The following KDM4B variants were observed in gnomAD, a reference collection of about 807,000 sequenced individuals.
KDM4B encodes lysine demethylase 4B.
In KDM4B, 32 loss-of-function variants were observed where a neutral mutation model predicts 125.2. The ratio of observed to expected loss-of-function variants is 0.26; its 90% CI spans 0.19 to 0.34. The LOEUF (loss-of-function observed/expected upper bound fraction) is 0.34. Among genes scored for constraint, KDM4B ranks in the 10% least tolerant of loss-of-function variants. The pLI is 1.00. For missense variants in KDM4B, 1,190 were observed against 1,577.7 expected (o/e 0.75, Z 4.16); for synonymous variants, 721 against 677.9 (o/e 1.06, Z -0.99).
intron 9 of KDM4B, among the ~76,000 whole-genome samples, chr19:5,109,340 C>A (rs933838593): frequency 1.3e-5 from 2 of 152,234 alleles, no homozygotes; most frequent in Non-Finnish European, 2.9e-5. Context: ...TTCATGCCCT[C>A]TGGGGCCTGG....
Position 5,035,264 on chromosome 19 carries a change from C to T in KDM4B, c.141+2233C>T, listed in dbSNP as rs952379441. Among the ~76,000 whole-genome samples the T allele has an allele frequency of 6.6e-5, 10 of 152,172 alleles. No homozygotes were observed. The highest frequency in any genetic ancestry group is 2.4e-4 in the African/African-American group (10 of 41,418). ...ATCCTGGCACCGCATCTGCCTCTGT[C>T]TCCTGCCCTTGACCTACTTCCACAT... is the stretch of plus-strand genomic sequence containing the variant. On this transcript the variant is annotated intron_variant, in intron 3 of 22. Coordinates refer to ENST00000159111, the MANE Select transcript of KDM4B (RefSeq NM_015015.3). The surrounding 1 kb of genome is among the most constrained non-coding windows in gnomAD (Gnocchi z 5.3).
intron 9 of KDM4B, among the ~76,000 whole-genome samples, chr19:5,102,254 C>T (rs781473078): frequency 2.6e-5 from 4 of 152,250 alleles, no homozygotes; most frequent in African/African-American, 7.2e-5. Context: ...CCTAAAGGCA[C>T]TTTCTCGTGG....
At chr19:5,026,456 C>A (rs1041968348) in intron 2 of KDM4B, among the ~76,000 whole-genome samples, 1 of 152,170 alleles carries the variant, frequency 6.6e-6, no homozygotes, top group African/African-American at 2.4e-5. Flanking sequence ...GCACTGGGAC[C>A]ACAGGTGTGT....
At chr19:5,045,186 G>T (rs904076367) in intron 5 of KDM4B, among the ~76,000 whole-genome samples, 1 of 152,140 alleles carries the variant, frequency 6.6e-6, no homozygotes, top group Non-Finnish European at 1.5e-5. Context: ...ACGTTCCCAG[G>T]GCCCCGCTTC....
intron 21 of KDM4B, among the ~76,000 whole-genome samples, chr19:5,148,965 C>T (rs949486418): frequency 1.4e-4 from 22 of 152,252 alleles, no homozygotes; most frequent in African/African-American, 4.8e-4. Context: ...TCCCAGGACA[C>T]GGCCCAGAGG....
intron 3 of KDM4B, among the ~76,000 whole-genome samples, chr19:5,037,767 C>G (rs940689209): frequency 1.1e-4 from 17 of 152,198 alleles, no homozygotes; most frequent in African/African-American, 4.1e-4. Context: ...TCGTGAAAGC[C>G]ACAGACATCC....
intron 1 of KDM4B, among the ~76,000 whole-genome samples, chr19:5,003,960 C>A (rs1467251054): frequency 1.3e-5 from 2 of 152,150 alleles, no homozygotes; most frequent in Non-Finnish European, 1.5e-5. Context: ...GATGCTCAGC[C>A]GCTTGAGAAT....
chr19:5,118,481 G>A (rs2039298708), intron 10 of KDM4B, among the ~76,000 whole-genome samples: 1 of 152,012 alleles, frequency 6.6e-6, no homozygotes, highest in South Asian at 2.1e-4. Flanking sequence ...AGCTGCAGGG[G>A]GTGGGCCTGG....
chr19:5,008,427 A>G (rs1043662973), intron 1 of KDM4B, among the ~76,000 whole-genome samples: 1 of 152,110 alleles, frequency 6.6e-6, no homozygotes, highest in Non-Finnish European at 1.5e-5. Flanking sequence ...CATAACCGTG[A>G]ATTATTTTTT....
chr19:5,120,233 G>A (rs2039335237), intron 11 of KDM4B, among the ~76,000 whole-genome samples: 1 of 152,226 alleles, frequency 6.6e-6, no homozygotes, highest in Non-Finnish European at 1.5e-5. Context: ...AGCTACTTGG[G>A]AAGCTGAGGT....
chr19:5,133,930 T>C lies in KDM4B; in HGVS notation c.1954T>C (p.Leu652=), dbSNP rs769317924. 3.1e-6 allele frequency: 5 copies of C among 1,613,012 alleles called. No homozygotes were observed. Among genetic ancestry groups the C allele is most frequent in the Non-Finnish European group, 4.2e-6 (5 of 1,179,948 alleles). Residue 652 remains leucine, a synonymous_variant, in exon 14 of 23, where the codon TTG becomes CTG. Transcript: ENST00000159111. ...GEEDVSDPDA[L]RPLLSLQWKN... ...GGAAGATGTGAGTGACCCGGACGCC[T>C]TGAGGCCGCTGCTGTCTCTGCAGTG...
At chr19:4,977,326 C>G (rs1050311004) in intron 1 of KDM4B, among the ~76,000 whole-genome samples, 2 of 152,210 alleles carry the variant, frequency 1.3e-5, no homozygotes, top group African/African-American at 4.8e-5. Flanking sequence ...ACCTCAAGAC[C>G]CCGAGGGCTC....
intron 11 of KDM4B, among the ~76,000 whole-genome samples, chr19:5,120,499 CAG>C (rs1221553273): frequency 1.2e-3 from 121 of 102,902 alleles, no homozygotes; most frequent in Middle Eastern, 5.7e-3. Context: ...GCTGGCAAGA[CAG>C]GGGGCAGCCG....
At position 5,044,416 on chromosome 19, in the gene KDM4B, A is replaced by G. The variant is rs111967644; in HGVS notation, c.433-3060A>G. Among the ~76,000 whole-genome samples the G allele has an allele frequency of 3.5e-4, 41 of 117,790 alleles. 1 individual carries two copies. In the South Asian group the frequency reaches 4.4e-3, roughly 13 times the overall value. 77.3% of individuals were successfully genotyped at this position (117,790 alleles called of 152,430 possible). A position where few individuals can be genotyped will look rare whatever the true frequency, so the allele number is the denominator to read the frequency against. ...CGGAGTGGGGTGTCCACCTTATCCC[A>G]CGCGGTGTTTATCGGAGTGGGGGTG... On this transcript the variant is annotated intron_variant, in intron 5 of 22. Coordinates refer to ENST00000159111, the MANE Select transcript of KDM4B (RefSeq NM_015015.3).
chr19:5,006,279 C>G lies in KDM4B; in HGVS notation c.-108-9978C>G, dbSNP rs117067663. Among the ~76,000 whole-genome samples the G allele has an allele frequency of 9.6e-4, 146 of 152,206 alleles. 2 individuals are homozygous for G. In the East Asian group the frequency reaches 0.022, roughly 23 times the overall value. The stretch of plus-strand genomic sequence containing the variant: ...GCACCCCATCCTCAGAGCGGAACCC[C>G]CATCCCCTGGGCTTGTGGGGGCTTC... On this transcript the variant is annotated intron_variant, in intron 1 of 22. Coordinates refer to ENST00000159111, the MANE Select transcript of KDM4B (RefSeq NM_015015.3).
intron 1 of KDM4B, among the ~76,000 whole-genome samples, chr19:4,981,624 G>A (rs571997852): frequency 6.6e-6 from 1 of 152,268 alleles, no homozygotes; most frequent in Non-Finnish European, 1.5e-5. Context: ...ACCACGCCGG[G>A]CCCCTTGGGA....
At chr19:4,995,427 C>T (rs891220243) in intron 1 of KDM4B, among the ~76,000 whole-genome samples, 1 of 151,800 alleles carries the variant, frequency 6.6e-6, no homozygotes, top group African/African-American at 2.4e-5. Context: ...TACAGGCACC[C>T]GCCACCACAT....
intron 3 of KDM4B, among the ~76,000 whole-genome samples, chr19:5,034,016 C>G (rs1313025538): frequency 6.6e-6 from 1 of 152,190 alleles, no homozygotes; most frequent in Admixed American, 6.5e-5. Flanking sequence ...TGTCTGTGGT[C>G]CCAGCTACTC....
At chr19:5,069,838 C>T (rs1599551441) in intron 6 of KDM4B, among the ~76,000 whole-genome samples, 1 of 151,812 alleles carries the variant, frequency 6.6e-6, no homozygotes, top group East Asian at 2.0e-4. Context: ...AACTCCTGAC[C>T]TCAGGTGATC....
Sources: gnomAD v4.1 joint callset for allele counts (sites outside exome capture counted in the v4.1 genomes callset) on GRCh38, gnomAD v4.1.1 for gene constraint, Gnocchi (gnomAD v3.1) non-coding constraint, MANE v1.5 for transcripts, NCBI Gene and HGNC (gene_info 2026-07-23, HGNC 2026-07-21) for gene names.